BIRC5: variants seen among roughly 807,000 people sequenced by gnomAD.
BIRC5 encodes baculoviral IAP repeat-containing protein 5.
A neutral mutation model predicts 15.8 loss-of-function variants in BIRC5; 8 were observed. The ratio of observed to expected loss-of-function variants is 0.51; its 90% CI spans 0.30 to 0.91. BIRC5 has a LOEUF of 0.91. BIRC5 is among the 40% of genes least tolerant of loss of function. BIRC5 has a pLI of 0.07. For missense variants in BIRC5, 163 were observed against 178.6 expected (o/e 0.91, Z 0.50); for synonymous variants, 56 against 64.5 (o/e 0.87, Z 0.63).
chr17:78,223,318 G>A, intron 3 of BIRC5, 147 bp from the exon 4 acceptor site: 1 of 721,464 alleles, frequency 1.4e-6, no homozygotes, highest in East Asian at 2.9e-5. Context: ...TTTGTCCCAG[G>A]TAGCTGGGAA....
intron 3 of BIRC5, among the ~76,000 whole-genome samples, chr17:78,217,797 A>G (rs2076489989): frequency 1.3e-5 from 2 of 151,274 alleles, no homozygotes; most frequent in Admixed American, 6.6e-5. Flanking sequence ...ACACCCGGCT[A>G]TTTTTATTTT....
At chr17:78,214,564 C>T (rs1567862643) in intron 1 of BIRC5, 116 bp from the exon 2 acceptor site, 1 of 1,255,866 alleles carries the variant, frequency 8.0e-7, no homozygotes, top group Non-Finnish European at 1.1e-6. Flanking sequence ...TGTGGCTGGG[C>T]CCCTTGGGTC....
Position 78,223,802 on chromosome 17 carries a change from C to A in BIRC5, c.*248C>A. On this transcript the variant is annotated 3_prime_UTR_variant, in exon 4 of 4. Transcript: ENST00000350051. ...TCTCTCTCTCTCTCTTTTTTGGGGG[C>A]TCATTTTTGCTGTTTTGATTCCCGG... 2.6e-6 allele frequency: 2 copies of A among 782,782 alleles called. No homozygotes were observed. The highest frequency in any genetic ancestry group is 3.8e-6 in the Non-Finnish European group (2 of 533,094). The allele number at this position is 782,782 out of a possible 1,614,324, so 48.5% of individuals were successfully genotyped here.
rs1311858992 is a variant in BIRC5, at chr17:78,225,462, G to A, written c.*1908G>A. 4 of 152,244 alleles carry A rather than the reference G, an allele frequency of 2.6e-5. 1 individual carries two copies. Among genetic ancestry groups the A allele is most frequent in the South Asian group, 4.1e-4 (2 of 4,834 alleles). 9.4% of individuals were successfully genotyped at this position (152,244 alleles called of 1,614,324 possible). On this transcript the variant is annotated 3_prime_UTR_variant, in exon 4 of 4. Transcript: ENST00000350051. ...ATGAGGCTTCTGGGCTATGGGTGAGGTTCCAATGGCAGGTTAGAGCCCCTC... is the reference window on the plus strand; with the variant it reads ...ATGAGGCTTCTGGGCTATGGGTGAGATTCCAATGGCAGGTTAGAGCCCCTC...
chr17:78,215,700 T>C (rs994601138), intron 2 of BIRC5, among the ~76,000 whole-genome samples: 2 of 152,206 alleles, frequency 1.3e-5, no homozygotes, highest in Non-Finnish European at 2.9e-5. Flanking sequence ...GCTATGGTGG[T>C]TATACTGCAT....
intron 1 of BIRC5, 87 bp from the exon 2 acceptor site, chr17:78,214,593 C>G: frequency 7.4e-7 from 1 of 1,360,146 alleles, no homozygotes; most frequent in Non-Finnish European, 9.9e-7. Context: ...CCTCCCCTCC[C>G]TGCTTTGTCC....
chr17:78,217,162 A>G lies in BIRC5; in HGVS notation c.339+381A>G, dbSNP rs376520021. Among the ~76,000 whole-genome samples the G allele has an allele frequency of 4.4e-3, 606 of 137,030 alleles. 4 individuals are homozygous for G. The highest frequency in any genetic ancestry group is 0.016 in the African/African-American group (557 of 35,686). The allele number at this position is 137,030 out of a possible 152,430, so 89.9% of individuals were successfully genotyped here. On this transcript the variant is annotated intron_variant, in intron 3 of 3. Coordinates refer to ENST00000350051, the MANE Select transcript of BIRC5 (RefSeq NM_001168.3). ...CAAAGTGCTGGGATTACAGGCGTGA[A>G]CCACCACGCCTGGCTTTTTTTTTTT...
intron 3 of BIRC5, among the ~76,000 whole-genome samples, chr17:78,217,302 A>G (rs2145895377): frequency 6.6e-6 from 1 of 151,190 alleles, no homozygotes; most frequent in African/African-American, 2.4e-5. Context: ...CAGCCTCCCA[A>G]GTAGCCGAGA....
At chr17:78,223,350 T>G in intron 3 of BIRC5, 115 bp from the exon 4 acceptor site, 1 of 1,027,800 alleles carries the variant, frequency 9.7e-7, no homozygotes, top group Non-Finnish European at 1.4e-6. Flanking sequence ...CAGTGCCCAG[T>G]TTATTTAGGT....
rs1249282902 is a variant in BIRC5, at chr17:78,218,606, AT to A, written c.339+1839del. ...TGCGTGGTCTTTTTAAAATTTTTTGATTTTTTTTTTTTTTGAGACAGAGCCT... is the reference window on the plus strand; with the variant it reads ...TGCGTGGTCTTTTTAAAATTTTTTGATTTTTTTTTTTTTGAGACAGAGCCT... On this transcript the variant is annotated intron_variant, in intron 3 of 3. Transcript: ENST00000350051. Among the ~76,000 whole-genome samples, 283 of 99,996 alleles carry A rather than the reference AT, an allele frequency of 2.8e-3. 1 individual carries two copies. The highest frequency in any genetic ancestry group is 4.8e-3 in the African/African-American group (127 of 26,282). The allele number at this position is 99,996 out of a possible 152,430, so 65.6% of individuals were successfully genotyped here.
chr17:78,216,417 T>C (rs1329726079), intron 2 of BIRC5: 1 of 411,192 alleles, frequency 2.4e-6, no homozygotes, highest in African/African-American at 2.0e-5. Context: ...GAAGTCCAGA[T>C]AAAATAGATA....
intron 1 of BIRC5, 98 bp from the exon 2 acceptor site, chr17:78,214,582 G>A: frequency 7.6e-7 from 1 of 1,314,312 alleles, no homozygotes; most frequent in Non-Finnish European, 1.0e-6. Flanking sequence ...GTCCAGGCCG[G>A]CCTCCCCTCC....
chr17:78,223,693 A>G lies in BIRC5; in HGVS notation c.*139A>G, dbSNP rs772749498. 2.0e-6 allele frequency: 3 copies of G among 1,485,350 alleles called. No homozygotes were observed. The highest frequency in any genetic ancestry group is 2.7e-6 in the Non-Finnish European group (3 of 1,112,096). 92.0% of individuals were successfully genotyped at this position (1,485,350 alleles called of 1,614,324 possible). ...CAACATTTTCAAATTAGATGTTTCA[A>G]CTGTGCTCTTGTTTTGTCTTGAAAG... On this transcript the variant is annotated 3_prime_UTR_variant, in exon 4 of 4. Coordinates refer to ENST00000350051, the MANE Select transcript of BIRC5 (RefSeq NM_001168.3).
In BIRC5 at chr17:78,223,605, G is replaced by T. The variant is rs1225238355; in HGVS notation, c.*51G>T. The T allele has an allele frequency of 6.2e-7, 1 of 1,609,968 alleles. No individual in the cohort carries two copies. Among genetic ancestry groups the T allele is most frequent in the Non-Finnish European group, 8.5e-7 (1 of 1,177,618 alleles). ...CCAGAGTGGCTGCACCACTTCCAGG[G>T]TTTATTCCCTGGTGCCACCAGCCTT... On this transcript the variant is annotated 3_prime_UTR_variant, in exon 4 of 4. Coordinates refer to ENST00000350051, the MANE Select transcript of BIRC5 (RefSeq NM_001168.3).
intron 3 of BIRC5, among the ~76,000 whole-genome samples, chr17:78,219,516 G>A (rs12604048): frequency 0.41 from 62,416 of 151,992 alleles, 13,034 homozygotes; most frequent in African/African-American, 0.49. Flanking sequence ...GCTAAGGACT[G>A]AGATTGTGTT....
At chr17:78,219,184 T>C (rs1302212060) in intron 3 of BIRC5, among the ~76,000 whole-genome samples, 1 of 152,090 alleles carries the variant, frequency 6.6e-6, no homozygotes, top group African/African-American at 2.4e-5. Context: ...TGTCCTTATA[T>C]GTGGCTTTAT....
intron 2 of BIRC5, chr17:78,216,195 G>A (rs2076476469): frequency 6.5e-6 from 1 of 153,604 alleles, no homozygotes; most frequent in Admixed American, 6.5e-5. Context: ...CTTGCAGTGA[G>A]CCGAGATTGC....
In BIRC5 at chr17:78,223,622, A is replaced by G; in HGVS notation, c.*68A>G. The G allele has an allele frequency of 1.9e-6, 3 of 1,604,388 alleles. No individual in the cohort carries two copies. Among genetic ancestry groups the G allele is most frequent in the Non-Finnish European group, 2.6e-6 (3 of 1,174,622 alleles). ...CTTCCAGGGTTTATTCCCTGGTGCC[A>G]CCAGCCTTCCTGTGGGCCCCTTAGC... On this transcript the variant is annotated 3_prime_UTR_variant, in exon 4 of 4. Transcript: ENST00000350051.
At chr17:78,217,935 G>C (rs1007716185) in intron 3 of BIRC5, among the ~76,000 whole-genome samples, 3 of 150,952 alleles carry the variant, frequency 2.0e-5, no homozygotes, top group Admixed American at 6.7e-5. Context: ...GGGACTACAG[G>C]CGCACCCCAC....
Sources: allele counts gnomAD v4.1 joint callset (sites outside exome capture counted in the v4.1 genomes callset), GRCh38; gene constraint gnomAD v4.1.1; transcripts MANE v1.5; gene names NCBI Gene and HGNC (gene_info 2026-07-23, HGNC 2026-07-21).